The following TMEM132C variants were observed in gnomAD, a reference collection of about 807,000 sequenced individuals.
The protein encoded by TMEM132C is transmembrane protein 132C, also known as protein phosphatase 1, regulatory subunit 152.
TMEM132C carries 29 observed loss-of-function variants against 61.4 expected under a neutral mutation model. That is an observed-to-expected ratio of 0.47 (90% CI 0.35 to 0.64). The LOEUF (loss-of-function observed/expected upper bound fraction) is 0.64, where lower values mean the gene tolerates loss of function less well. Among genes scored for constraint, TMEM132C ranks in the 30% least tolerant of loss-of-function variants. The probability of loss-of-function intolerance (pLI) is 0.00; values close to 1 mark genes in which losing one functional copy is unlikely to be tolerated. For synonymous variants in TMEM132C, 656 were observed against 633.1 expected (o/e 1.04, Z -0.54); for missense variants, 1,408 against 1,476.9 (o/e 0.95, Z 0.76).
chr12:128,552,226 GCTA>G (rs1264293735), intron 3 of TMEM132C, among the ~76,000 whole-genome samples: 3 of 152,306 alleles, frequency 2.0e-5, no homozygotes, highest in South Asian at 2.1e-4. Context: ...TTATTAAAAC[GCTA>G]CTGTTAACAT....
intron 3 of TMEM132C, among the ~76,000 whole-genome samples, chr12:128,601,691 G>A (rs1314338111): frequency 2.7e-5 from 4 of 148,936 alleles, no homozygotes; most frequent in African/African-American, 9.7e-5. Flanking sequence ...TCCTAAGGTG[G>A]AAGGACCTGG....
At chr12:128,276,598 C>T (rs1046460733) in intron 1 of TMEM132C, among the ~76,000 whole-genome samples, 14 of 152,152 alleles carry the variant, frequency 9.2e-5, no homozygotes, top group African/African-American at 3.1e-4. Flanking sequence ...GAGCAGGCCC[C>T]ATTTCTCTCT....
chr12:128,579,235 T>A (rs531009317), intron 3 of TMEM132C, among the ~76,000 whole-genome samples: 1 of 152,374 alleles, frequency 6.6e-6, no homozygotes, highest in South Asian at 2.1e-4. Context: ...AGAAGGCCCT[T>A]GCTCTGCCCT....
At chr12:128,277,845 G>A (rs1445715673) in intron 1 of TMEM132C, among the ~76,000 whole-genome samples, 1 of 152,104 alleles carries the variant, frequency 6.6e-6, no homozygotes, top group Non-Finnish European at 1.5e-5. Flanking sequence ...AATTAGGAAG[G>A]TGGCCTTCTT....
intron 8 of TMEM132C, among the ~76,000 whole-genome samples, chr12:128,700,759 A>C (rs1185788642): frequency 6.6e-6 from 1 of 152,236 alleles, no homozygotes; most frequent in African/African-American, 2.4e-5. Flanking sequence ...GTATTTGTGC[A>C]TGAGGTTGAG....
intron 3 of TMEM132C, among the ~76,000 whole-genome samples, chr12:128,592,085 C>T (rs1175987042): frequency 6.6e-6 from 1 of 151,348 alleles, no homozygotes; most frequent in Admixed American, 6.6e-5. Flanking sequence ...CAGACACAGC[C>T]GAGAGGCTTT....
At chr12:128,319,898 G>A (rs919311046) in intron 1 of TMEM132C, among the ~76,000 whole-genome samples, 8 of 151,974 alleles carry the variant, frequency 5.3e-5, no homozygotes, top group Non-Finnish European at 1.0e-4. Context: ...TTGAACAGAC[G>A]CGGGATGATC....
intron 2 of TMEM132C, among the ~76,000 whole-genome samples, chr12:128,523,755 T>G (rs1261475402): frequency 1.3e-5 from 2 of 151,218 alleles, no homozygotes; most frequent in Admixed American, 6.6e-5. Flanking sequence ...ATCCCAGCAC[T>G]TTGAGAGGCC....
chr12:128,334,300 C>T (rs1168449231), intron 1 of TMEM132C, among the ~76,000 whole-genome samples: 2 of 152,146 alleles, frequency 1.3e-5, no homozygotes, highest in Non-Finnish European at 2.9e-5. Context: ...CAGACCGCCA[C>T]CGCCCACCCA....
intron 8 of TMEM132C, among the ~76,000 whole-genome samples, chr12:128,703,110 C>T (rs1954814687): frequency 6.6e-6 from 1 of 152,182 alleles, no homozygotes; most frequent in South Asian, 2.1e-4. Flanking sequence ...CTGCCTCTTC[C>T]TAACGATATG....
intron 5 of TMEM132C, among the ~76,000 whole-genome samples, chr12:128,680,239 A>G (rs932922835): frequency 6.6e-6 from 1 of 152,098 alleles, no homozygotes; most frequent in African/African-American, 2.4e-5. Context: ...GGCAGGTACT[A>G]CTCTAAGTCT....
At chr12:128,622,360 A>AAAAAAAAAAAAATAT (rs1277080166) in intron 4 of TMEM132C, among the ~76,000 whole-genome samples, 1 of 30,126 alleles carries the variant, frequency 3.3e-5, no homozygotes, top group Non-Finnish European at 5.5e-5. Context: ...AAAAAAAAAA[A>AAAAAAAAAAAAATAT]ATATATATAT....
intron 5 of TMEM132C, among the ~76,000 whole-genome samples, chr12:128,680,854 C>CAA (rs1201127864): frequency 6.6e-6 from 1 of 152,096 alleles, no homozygotes. Context: ...TTACTTGAGC[C>CAA]AAATAGGGCT....
intron 3 of TMEM132C, among the ~76,000 whole-genome samples, chr12:128,582,016 A>T (rs1875354429): frequency 6.6e-6 from 1 of 152,244 alleles, no homozygotes; most frequent in Non-Finnish European, 1.5e-5. Flanking sequence ...GCCAGATATC[A>T]GAGGGTCAGA....
At chr12:128,356,812 T>C (rs1683744) in intron 1 of TMEM132C, among the ~76,000 whole-genome samples, 143,546 of 152,326 alleles carry the variant, frequency 0.94, 67,800 homozygotes, top group East Asian at 1. Context: ...GTGAGTCTTG[T>C]GCTTGTCAGT....
Position 128,414,801 on chromosome 12 carries a change from G to A in TMEM132C, c.155G>A (p.Ser52Asn). The change falls in exon 2 of 9, where the codon AGC becomes AAC. Residue 52 changes from serine (S) to asparagine (N), a missense_variant. By Grantham distance (46) the Ser-to-Asn change is conservative (BLOSUM62 1). Transcript: ENST00000435159. Reference sequence around the variant, plus strand: ...TCACTGCCACCTTACCTACCTGTGAGCTACCACATCCTCAGAGCAGAGACC... The same window carrying A: ...TCACTGCCACCTTACCTACCTGTGAACTACCACATCCTCAGAGCAGAGACC... ...FSSLPPYLPVSYHILRAETSF... is the reference protein window; with the variant it reads ...FSSLPPYLPVNYHILRAETSF... 1 of 1,542,164 alleles carries A rather than the reference G, an allele frequency of 6.5e-7. No homozygotes were observed. The highest frequency in any genetic ancestry group is 8.7e-7 in the Non-Finnish European group (1 of 1,146,918).
intron 2 of TMEM132C, among the ~76,000 whole-genome samples, chr12:128,440,651 G>T (rs1869750964): frequency 6.6e-6 from 1 of 152,218 alleles, no homozygotes; most frequent in Non-Finnish European, 1.5e-5. Flanking sequence ...CTGGTCACAT[G>T]ACTTCTTGCT....
rs1398955140 is a variant in TMEM132C, at chr12:128,647,793, A to G, written c.1306-21624A>G. ...TTTACTGGAGTCCATTAGCATTGGA[A>G]GTGAGTGTGTTTACTGGAGTCCATC... On this transcript the variant is annotated intron_variant, in intron 4 of 8. Coordinates refer to ENST00000435159, the MANE Select transcript of TMEM132C (RefSeq NM_001136103.3). Among the ~76,000 whole-genome samples the G allele has an allele frequency of 3.2e-5, 3 of 94,610 alleles. No homozygotes were observed. The East Asian group carries it at 9.0e-4, about 28-fold the overall frequency. 62.1% of individuals were successfully genotyped at this position (94,610 alleles called of 152,430 possible). A position where few individuals can be genotyped will look rare whatever the true frequency, so the allele number is the denominator to read the frequency against.
At chr12:128,402,223 TTTTG>T (rs1190929486) in intron 1 of TMEM132C, among the ~76,000 whole-genome samples, 1 of 152,168 alleles carries the variant, frequency 6.6e-6, no homozygotes, top group Non-Finnish European at 1.5e-5. Flanking sequence ...TTCAGGGTTT[TTTTG>T]TTTGTTTGTT....
Sources: allele counts gnomAD v4.1 joint callset (sites outside exome capture counted in the v4.1 genomes callset), GRCh38; gene constraint gnomAD v4.1.1; transcripts MANE v1.5; gene names NCBI Gene and HGNC (gene_info 2026-07-23, HGNC 2026-07-21).